EPRS1: variants seen among roughly 807,000 people sequenced by gnomAD.
EPRS1 encodes the protein glutamyl-prolyl-tRNA synthetase 1.
A neutral mutation model predicts 188.3 loss-of-function variants in EPRS1; 107 were observed. The ratio of observed to expected loss-of-function variants is 0.57; its 90% CI spans 0.49 to 0.67. The LOEUF is 0.67. EPRS1 is among the 30% of genes least tolerant of loss of function. The pLI is 0.00. For synonymous variants in EPRS1, 596 were observed against 593.1 expected, an observed-to-expected ratio of 1.00 and a Z score of -0.07; for missense variants, 1,577 against 1,802.2, an observed-to-expected ratio of 0.88 and a Z score of 2.26.
At chr1:220,044,567 A>T (rs1460076394) in intron 1 of EPRS1, among the ~76,000 whole-genome samples, 2 of 152,082 alleles carry the variant, frequency 1.3e-5, no homozygotes, top group Non-Finnish European at 2.9e-5. Context: ...TCTACTAAAA[A>T]ATACAAAAAT....
intron 18 of EPRS1, among the ~76,000 whole-genome samples, chr1:219,993,037 C>G: frequency 6.6e-6 from 1 of 152,114 alleles, no homozygotes; most frequent in African/African-American, 2.4e-5. Context: ...AAGTTCAAGA[C>G]CAGCCTTGTT....
chr1:220,005,424 A>G, intron 15 of EPRS1, 64 bp from the exon 16 acceptor site: 1 of 833,722 alleles, frequency 1.2e-6, no homozygotes, highest in Non-Finnish European at 1.9e-6. Context: ...TAACTCTAAA[A>G]TGCAAGCAGT....
In EPRS1 at chr1:219,979,542, G is replaced by A. The variant is rs115571989; in HGVS notation, c.3785C>T (p.Pro1262Leu). 6.4e-4 allele frequency: 1,029 copies of A among 1,613,622 alleles called. 7 individuals carry two copies. In the African/African-American group the frequency reaches 0.013, roughly 20 times the overall value. ...FEIVFEDPKI[P>L]GEKQFAYQNS... Reference sequence around the variant, plus strand: ...TTGATAGGCAAATTGCTTCTCTCCTGGTATCTTTGGATCTTCAAAAACGAT... The same window carrying A: ...TTGATAGGCAAATTGCTTCTCTCCTAGTATCTTTGGATCTTCAAAAACGAT... Residue 1262 changes from proline (P) to leucine (L), a missense_variant, in exon 27 of 32, where the codon CCA becomes CTA. Transcript: ENST00000366923.
rs764995900 is a variant in EPRS1 at position 220,001,235 on chromosome 1, G to T, written c.2084C>A (p.Ala695Asp). 6.2e-7 allele frequency: 1 copy of T among 1,611,738 alleles called. No individual in the cohort carries two copies. Among genetic ancestry groups the T allele is most frequent in the Non-Finnish European group, 8.5e-7 (1 of 1,177,920 alleles). Residue 695 changes from alanine (A) to aspartate (D), a missense_variant, in exon 17 of 32, where the codon GCC becomes GAC. This residue lies in a region of EPRS1 where 1,278 missense variants were observed against 1,457.4 expected (regional missense o/e 0.88). Coordinates refer to ENST00000366923, the MANE Select transcript of EPRS1 (RefSeq NM_004446.3). ...AGGAATGTATATCAAAACACACGGG[G>T]CTTCCTTGCAACTATATGGGCTAAA... is the stretch of plus-strand genomic sequence containing the variant. ...EPVSPYSCKE[A>D]PCVLIYIPDG...
chr1:219,973,951 TTTTG>T (rs1362892937), intron 28 of EPRS1, among the ~76,000 whole-genome samples: 1 of 152,100 alleles, frequency 6.6e-6, no homozygotes, highest in African/African-American at 2.4e-5. Flanking sequence ...ATTTGTTTTT[TTTTG>T]TTTGTTTGAA....
chr1:220,005,222 T>C, intron 16 of EPRS1, 26 bp downstream of exon 16: 1 of 1,059,406 alleles, frequency 9.4e-7, no homozygotes, highest in Non-Finnish European at 1.4e-6. Flanking sequence ...GCATTTTCAT[T>C]TAGACGTTCA....
intron 30 of EPRS1, 118 bp downstream of exon 30, chr1:219,971,951 A>T (rs1199857271): frequency 6.4e-6 from 3 of 467,520 alleles, no homozygotes; most frequent in African/African-American, 2.0e-5. Context: ...TGAGTAATGT[A>T]CTATCTTTTT....
At chr1:220,032,215 C>T (rs1282115047) in intron 5 of EPRS1, among the ~76,000 whole-genome samples, 172 bp downstream of exon 5, 2 of 150,218 alleles carry the variant, frequency 1.3e-5, no homozygotes, top group African/African-American at 2.5e-5. Flanking sequence ...GCTGGGACTA[C>T]AGGCGCCCAC....
At chr1:219,986,361 T>C (rs1223534128) in intron 20 of EPRS1, among the ~76,000 whole-genome samples, 1 of 152,330 alleles carries the variant, frequency 6.6e-6, no homozygotes, top group East Asian at 1.9e-4. Context: ...CTAGATGATA[T>C]ACATATATTT....
rs1468410616 is a variant in EPRS1 at position 219,999,112 on chromosome 1, C to T, written c.2182-1770G>A. On this transcript the variant is annotated intron_variant, in intron 17 of 31. Transcript: ENST00000366923. ...GTGCCTTCCTTTAATGAGGATGATG[C>T]TTAAAAAACATTTTTTACCATAACA... Among the ~76,000 whole-genome samples the T allele has an allele frequency of 2.6e-5, 4 of 151,926 alleles. No homozygotes were observed. The South Asian group carries it at 8.3e-4, about 32-fold the overall frequency.
chr1:220,045,652 G>A (rs1355747092), intron 1 of EPRS1, among the ~76,000 whole-genome samples: 2 of 152,196 alleles, frequency 1.3e-5, no homozygotes, highest in Admixed American at 1.3e-4. Flanking sequence ...AGATGTGTCA[G>A]TAAGGTGACA....
At position 219,980,231 on chromosome 1, in the gene EPRS1, T is replaced by A. The variant is rs901380368; in HGVS notation, c.3565A>T (p.Ile1189Leu). 7 of 1,610,858 alleles carry A rather than the reference T, an allele frequency of 4.3e-6. No individual in the cohort carries two copies. The highest frequency in any genetic ancestry group is 5.9e-6 in the Non-Finnish European group (7 of 1,177,848). The part of the protein sequence containing the change: ...MEEAAEEVLQ[I>L]LDLYAQVYEE... ...TATACCTGAGCATATAAGTCAAGTA[T>A]CTGCAAGACCTGTAACATTTTAAAT... The change falls in exon 26 of 32, where the codon ATA (isoleucine) becomes TTA (leucine). Residue 1189 changes from isoleucine to leucine, a missense_variant. Physicochemically the swap from Ile to Leu is conservative, Grantham distance 5. Around this residue, in one of 3 missense-constraint regions of EPRS1, gnomAD observed 1,278 missense variants for 1,457.4 expected, o/e 0.88. Coordinates refer to ENST00000366923, the MANE Select transcript of EPRS1 (RefSeq NM_004446.3).
chr1:219,973,477 T>A, intron 28 of EPRS1, 79 bp from the exon 29 acceptor site: 1 of 965,178 alleles, frequency 1.0e-6, no homozygotes, highest in Admixed American at 3.0e-5. Context: ...TGGCTTTAGC[T>A]ACCATAAATT....
chr1:219,977,332 A>G (rs1660800194), intron 28 of EPRS1, among the ~76,000 whole-genome samples: 2 of 152,260 alleles, frequency 1.3e-5, no homozygotes, highest in African/African-American at 4.8e-5. Flanking sequence ...CCCAACTCAT[A>G]CTAAGAATAC....
chr1:220,035,645 A>G (rs1662162988), intron 2 of EPRS1, among the ~76,000 whole-genome samples: 1 of 151,840 alleles, frequency 6.6e-6, no homozygotes, highest in Admixed American at 6.6e-5. Context: ...CCTGGCTAAT[A>G]TGGTAAAACC....
At position 219,984,266 on chromosome 1, in the gene EPRS1, G is replaced by A; in HGVS notation, c.3039-9C>T. The A allele has an allele frequency of 6.2e-7, 1 of 1,607,580 alleles. No individual in the cohort carries two copies. The highest frequency in any genetic ancestry group is 1.1e-5 in the South Asian group (1 of 90,920). ...TTGCCTCAAGACCCAACCTGCAGAT[G>A]TGAAAAGTAAAAGATAAATATCTTC... is the stretch of plus-strand genomic sequence containing the variant. On this transcript the variant is annotated splice_polypyrimidine_tract_variant and intron_variant, in intron 20 of 31. Coordinates refer to ENST00000366923, the MANE Select transcript of EPRS1 (RefSeq NM_004446.3).
chr1:220,046,309 C>A (rs1197850815), intron 1 of EPRS1, 34 bp downstream of exon 1: 1 of 1,613,570 alleles, frequency 6.2e-7, no homozygotes, highest in Non-Finnish European at 8.5e-7. Flanking sequence ...CTGGCTGATG[C>A]AACCCACACA....
rs766407505 is a variant in EPRS1 at position 220,020,188 on chromosome 1, T to G, written c.1149A>C (p.Ile383=). Residue 383 remains isoleucine, a synonymous_variant, in exon 10 of 32, where the codon ATA becomes ATC. Coordinates refer to ENST00000366923, the MANE Select transcript of EPRS1 (RefSeq NM_004446.3). ...GTGTAACACCTTCGATGCTGTCAAC[T>G]ATGGGGCAGGCAAAATCATATGTTG... ...VYPTYDFACP[I]VDSIEGVTHA... is the part of the protein sequence containing the mutation. 1 of 1,613,730 alleles carries G rather than the reference T, an allele frequency of 6.2e-7. No homozygotes were observed. The highest frequency in any genetic ancestry group is 1.1e-5 in the South Asian group (1 of 90,994).
intron 5 of EPRS1, among the ~76,000 whole-genome samples, chr1:220,031,356 T>A (rs552697789): frequency 6.6e-6 from 1 of 152,210 alleles, no homozygotes; most frequent in Admixed American, 6.5e-5. Context: ...TACCCTGAAC[T>A]AGAGAAAGAT....
Sources: gnomAD v4.1 joint callset for allele counts (sites outside exome capture counted in the v4.1 genomes callset) on GRCh38, gnomAD v4.1.1 for gene constraint, gnomAD v4.1.1 regional missense constraint, MANE v1.5 for transcripts, NCBI Gene and HGNC (gene_info 2026-07-23, HGNC 2026-07-21) for gene names.